TSG101: variants seen among roughly 807,000 people sequenced by gnomAD.
The protein encoded by TSG101 is tumor susceptibility 101, also known as tumor susceptibility gene 101 protein.
TSG101 carries 19 observed loss-of-function variants against 48.5 expected under a neutral mutation model. The observed-to-expected ratio is 0.39, with a 90% CI of 0.27 to 0.58. The LOEUF is 0.58. Ranked by LOEUF, TSG101 falls within the 20% of genes least tolerant of loss-of-function variation. TSG101 has a pLI of 0.55. For synonymous variants in TSG101, 174 were observed against 169.4 expected (o/e 1.03, Z -0.21); for missense variants, 365 against 484.4 (o/e 0.75, Z 2.31).
intron 1 of TSG101, among the ~76,000 whole-genome samples, chr11:18,524,651 T>C (rs978354048): frequency 1.3e-5 from 2 of 152,146 alleles, no homozygotes; most frequent in Admixed American, 6.5e-5. Flanking sequence ...TTTCCAGATA[T>C]TGAGTCAAGG....
chr11:18,516,173 A>T lies in TSG101; in HGVS notation c.128-9T>A. 6.2e-7 allele frequency: 1 copy of T among 1,613,074 alleles called. No individual in the cohort carries two copies. Among genetic ancestry groups the T allele is most frequent in the East Asian group, 2.2e-5 (1 of 44,846 alleles). On this transcript the variant is annotated splice_polypyrimidine_tract_variant and intron_variant, in intron 2 of 9. Coordinates refer to ENST00000251968, the MANE Select transcript of TSG101 (RefSeq NM_006292.4). ...ACTGCCATCGTTAAAAACTGAAAGGAAAGAACAATGATTTAATCATGAGCA... is the reference window on the plus strand; with the variant it reads ...ACTGCCATCGTTAAAAACTGAAAGGTAAGAACAATGATTTAATCATGAGCA...
intron 9 of TSG101, 138 bp from the exon 10 acceptor site, chr11:18,480,773 A>G (rs1849520037): frequency 4.5e-6 from 3 of 670,614 alleles, no homozygotes; most frequent in East Asian, 2.8e-5. Flanking sequence ...ATACCTCATT[A>G]TATGTGGCTT....
At chr11:18,526,467 C>A (rs1455037201) in intron 1 of TSG101, among the ~76,000 whole-genome samples, 1 of 152,266 alleles carries the variant, frequency 6.6e-6, no homozygotes, top group Non-Finnish European at 1.5e-5. Flanking sequence ...AAACGAAAAA[C>A]TACACTGCCC....
At chr11:18,525,540 TAAAAA>T (rs756622322) in intron 1 of TSG101, 30 of 111,366 alleles carry the variant, frequency 2.7e-4, no homozygotes, top group South Asian at 3.1e-4. Flanking sequence ...AGCAAGACTC[TAAAAA>T]AAAAAAAAAA....
At chr11:18,480,818 G>GA (rs1375223409) in intron 9 of TSG101, among the ~76,000 whole-genome samples, 183 bp from the exon 10 acceptor site, 1 of 152,148 alleles carries the variant, frequency 6.6e-6, no homozygotes, top group Admixed American at 6.5e-5. Context: ...ACTCAACAGG[G>GA]AAAGCATTAC....
At chr11:18,504,680 A>G (rs1016804392) in intron 6 of TSG101, among the ~76,000 whole-genome samples, 2 of 152,194 alleles carry the variant, frequency 1.3e-5, no homozygotes, top group African/African-American at 2.4e-5. Context: ...AACTTGGTAT[A>G]AAACTCTTCT....
intron 7 of TSG101, among the ~76,000 whole-genome samples, chr11:18,487,479 C>T (rs1337939843): frequency 6.6e-6 from 1 of 152,076 alleles, no homozygotes; most frequent in Non-Finnish European, 1.5e-5. Context: ...GAAAACTTTA[C>T]TAAAACACCT....
Position 18,517,830 on chromosome 11 carries a change from T to C in TSG101, c.128-1666A>G, listed in dbSNP as rs140466640. The stretch of plus-strand genomic sequence containing the variant: ...TGCACGACTGTACATTCTTGACCTT[T>C]GTTATTTTACTTACTGTTGACGAAT... On this transcript the variant is annotated intron_variant, in intron 2 of 9. Transcript: ENST00000251968. 3.3e-5 allele frequency among the ~76,000 whole-genome samples: 5 copies of C among 152,368 alleles called. No individual in the cohort carries two copies. The East Asian group carries it at 9.6e-4, about 29-fold the overall frequency.
intron 7 of TSG101, among the ~76,000 whole-genome samples, chr11:18,501,515 C>A (rs1849887178): frequency 6.6e-6 from 1 of 152,158 alleles, no homozygotes; most frequent in Admixed American, 6.5e-5. Context: ...GTTACTATAA[C>A]CTTGTAATAT....
chr11:18,524,167 T>C (rs1850326921), intron 1 of TSG101, among the ~76,000 whole-genome samples: 1 of 152,320 alleles, frequency 6.6e-6, no homozygotes, highest in South Asian at 2.1e-4. Context: ...AAAATATAAG[T>C]GGCTGTATGT....
intron 7 of TSG101, among the ~76,000 whole-genome samples, chr11:18,491,600 G>T (rs554251371): frequency 7.9e-5 from 12 of 152,268 alleles, no homozygotes; most frequent in African/African-American, 2.9e-4. Flanking sequence ...TGTATCTTTT[G>T]CCATAAGTCA....
chr11:18,513,753 G>A (rs1850124974), intron 4 of TSG101, among the ~76,000 whole-genome samples: 1 of 152,140 alleles, frequency 6.6e-6, no homozygotes, highest in African/African-American at 2.4e-5. Context: ...CCTTTGCCCA[G>A]ATTCTCAGCC....
At chr11:18,519,939 T>C (rs1202631969) in intron 1 of TSG101, among the ~76,000 whole-genome samples, 1 of 152,210 alleles carries the variant, frequency 6.6e-6, no homozygotes, top group Non-Finnish European at 1.5e-5. Flanking sequence ...TACCATATAA[T>C]TCACACATTT....
In TSG101 at chr11:18,480,459, T is replaced by A. The variant is rs1383188311; in HGVS notation, c.*87A>T. 3.1e-6 allele frequency: 3 copies of A among 961,334 alleles called. No homozygotes were observed. Among genetic ancestry groups the A allele is most frequent in the Non-Finnish European group, 4.7e-6 (3 of 641,482 alleles). The allele number at this position is 961,334 out of a possible 1,614,324, so 59.6% of individuals were successfully genotyped here. On this transcript the variant is annotated 3_prime_UTR_variant, in exon 10 of 10. Coordinates refer to ENST00000251968, the MANE Select transcript of TSG101 (RefSeq NM_006292.4). The stretch of plus-strand genomic sequence containing the variant: ...AATATTTTACACTTGAATGATAAAC[T>A]GCAATAACTTATTCTGGGCACCTAC...
At chr11:18,490,319 C>T (rs1373909864) in intron 7 of TSG101, 1 of 592,620 alleles carries the variant, frequency 1.7e-6, no homozygotes, top group South Asian at 1.4e-5. Flanking sequence ...ATTGCATGAT[C>T]AGAGTGCTGT....
intron 2 of TSG101, 45 bp from the exon 3 acceptor site, chr11:18,516,209 T>A (rs748697084): frequency 2.0e-6 from 3 of 1,537,886 alleles, no homozygotes; most frequent in Admixed American, 3.4e-5. Context: ...TTTTTTAAGA[T>A]ACTCCCATAA....
chr11:18,486,147 G>C (rs968176550), intron 7 of TSG101, among the ~76,000 whole-genome samples: 3 of 152,200 alleles, frequency 2.0e-5, no homozygotes, highest in Non-Finnish European at 4.4e-5. Context: ...TCCAGTGAAA[G>C]CTCTTTCATC....
intron 4 of TSG101, among the ~76,000 whole-genome samples, chr11:18,513,631 T>C (rs1373686266): frequency 1.3e-5 from 2 of 152,256 alleles, no homozygotes; most frequent in South Asian, 4.1e-4. Flanking sequence ...TTCTCCCAAA[T>C]CTTGGATCTA....
intron 7 of TSG101, among the ~76,000 whole-genome samples, chr11:18,498,396 G>C (rs1849816904): frequency 6.6e-6 from 1 of 152,134 alleles, no homozygotes; most frequent in Admixed American, 6.6e-5. Flanking sequence ...AAGAAGCAGA[G>C]AAATCTTGTG....
Sources: allele counts gnomAD v4.1 joint callset (sites outside exome capture counted in the v4.1 genomes callset), GRCh38; gene constraint gnomAD v4.1.1; transcripts MANE v1.5; gene names NCBI Gene and HGNC (gene_info 2026-07-23, HGNC 2026-07-21).